The following ZNF469 variants were observed in gnomAD, a reference collection of about 807,000 sequenced individuals.
ZNF469 encodes the protein zinc finger protein 469.
A neutral mutation model predicts 1.0 loss-of-function variants in ZNF469; 1 was observed. That is an observed-to-expected ratio of 1.00 (90% confidence interval 0.35 to 4.73). The LOEUF (loss-of-function observed/expected upper bound fraction) is 4.73, where lower values mean the gene tolerates loss of function less well. Ranked by LOEUF, ZNF469 falls within the 30% of genes most tolerant of loss-of-function variation. ZNF469 has a pLI of 0.16. For synonymous variants in ZNF469, 2,703 were observed against 2,363.4 expected (o/e 1.14, Z -4.17); for missense variants, 6,100 against 5,356.3 (o/e 1.14, Z -4.33).
At position 88,432,629 on chromosome 16, in the gene ZNF469, TCTGC is replaced by T; in HGVS notation, c.5167_5170del (p.Pro1723SerfsTer15). 6.5e-7 allele frequency: 1 copy of T among 1,550,364 alleles called. No individual in the cohort carries two copies. Among genetic ancestry groups the T allele is most frequent in the African/African-American group, 1.4e-5 (1 of 73,166 alleles). On this transcript the variant is annotated frameshift_variant, in exon 3 of 3. Coordinates refer to ENST00000565624, the MANE Select transcript of ZNF469 (RefSeq NM_001367624.2). LOFTEE classifies it low-confidence loss of function (END_TRUNC). ...GGAGACAGCAGGCCCCCCCAAGATG[TCTGC>T]CTGCCTGAGCCCAGCAAGCAGCCTG...
the ZNF469 span, among the ~76,000 whole-genome samples, chr16:88,330,349 C>T: frequency 3.3e-5 from 5 of 152,230 alleles, no homozygotes; most frequent in East Asian, 1.9e-4. Flanking sequence ...GTGGACTCCA[C>T]GTTGCCGTGA....
the ZNF469 span, among the ~76,000 whole-genome samples, chr16:88,117,199 G>A: frequency 4.6e-5 from 6 of 131,784 alleles, no homozygotes; most frequent in South Asian, 5.1e-4. Context: ...GATGTGTGAG[G>A]GCCGGGGACA....
chr16:88,262,170 T>C, the ZNF469 span, among the ~76,000 whole-genome samples: 1 of 152,148 alleles, frequency 6.6e-6, no homozygotes, highest in African/African-American at 2.4e-5. The surrounding 1 kb of genome is among the most constrained non-coding windows in gnomAD (Gnocchi z 4.3). Context: ...GGAATTGCAT[T>C]CTTGGGATTG....
chr16:88,133,066 C>CG, the ZNF469 span, among the ~76,000 whole-genome samples: 1 of 152,144 alleles, frequency 6.6e-6, no homozygotes, highest in African/African-American at 2.4e-5. Context: ...GGTTGGGGGC[C>CG]GGGGGGCTGC....
chr16:88,430,935 C>T lies in ZNF469; in HGVS notation c.3465C>T (p.Pro1155=), dbSNP rs1906125916. ...GCGGGGACGGAGCCCCCGCGAACCC[C>T]GAGGAGCCGGGCGGGTCTCGCCCGG... is the stretch of plus-strand genomic sequence containing the variant. ...EAGGDGAPAN[P]EEPGGSRPGP... Residue 1155 remains proline, a synonymous_variant, in exon 3 of 3, where the codon CCC becomes CCT. Coordinates refer to ENST00000565624, the MANE Select transcript of ZNF469 (RefSeq NM_001367624.2). The T allele has an allele frequency of 4.6e-6, 7 of 1,535,938 alleles. No homozygotes were observed. In the South Asian group the frequency reaches 7.2e-5, roughly 16 times the overall value.
chr16:88,206,784 T>A, the ZNF469 span, among the ~76,000 whole-genome samples: 1 of 145,166 alleles, frequency 6.9e-6, no homozygotes, highest in Non-Finnish European at 1.5e-5. Flanking sequence ...TTGGTATCTC[T>A]GTGGGAACGG....
the ZNF469 span, among the ~76,000 whole-genome samples, chr16:88,288,666 CTG>C: frequency 1.2e-4 from 19 of 152,340 alleles, no homozygotes; most frequent in African/African-American, 4.1e-4. Flanking sequence ...ACCCCTGATA[CTG>C]TCTCATGTAA....
chr16:88,294,051 C>T, the ZNF469 span, among the ~76,000 whole-genome samples: 4 of 152,190 alleles, frequency 2.6e-5, no homozygotes, highest in Admixed American at 2.0e-4. Context: ...CTAGAGCCCC[C>T]AGTGCCTCAA....
chr16:88,150,866 C>T, the ZNF469 span, among the ~76,000 whole-genome samples: 11,217 of 152,056 alleles, frequency 0.074, 779 homozygotes, highest in African/African-American at 0.18. Context: ...TGGAATTCTG[C>T]GCCACGTCAT....
the ZNF469 span, among the ~76,000 whole-genome samples, chr16:88,120,057 TG>T: frequency 6.6e-6 from 1 of 152,150 alleles, no homozygotes; most frequent in Non-Finnish European, 1.5e-5. Flanking sequence ...CAAGTCCGCC[TG>T]GGAGGGTGGA....
the ZNF469 span, among the ~76,000 whole-genome samples, chr16:88,133,022 G>A: frequency 1.2e-4 from 18 of 152,216 alleles, no homozygotes; most frequent in African/African-American, 3.4e-4. Context: ...CAGGAGACCC[G>A]TGGGCAGCTC....
chr16:88,266,566 G>A, the ZNF469 span, among the ~76,000 whole-genome samples: 124 of 152,370 alleles, frequency 8.1e-4, no homozygotes, highest in African/African-American at 2.6e-3. Context: ...CATACGTGCC[G>A]ACCAGGTAAA....
At chr16:88,336,100 C>G in the ZNF469 span, among the ~76,000 whole-genome samples, 1 of 151,672 alleles carries the variant, frequency 6.6e-6, no homozygotes, top group Non-Finnish European at 1.5e-5. Flanking sequence ...CATGTTCATC[C>G]TTCACGTGAG....
chr16:88,133,639 AAATT>A, the ZNF469 span, among the ~76,000 whole-genome samples: 2 of 151,678 alleles, frequency 1.3e-5, no homozygotes, highest in African/African-American at 4.8e-5. Flanking sequence ...TTAATAAAAT[AAATT>A]ATAAATAAAA....
In ZNF469 at chr16:88,437,066, T is replaced by C. The variant is rs1906637029; in HGVS notation, c.9596T>C (p.Val3199Ala). 1 of 1,540,318 alleles carries C rather than the reference T, an allele frequency of 6.5e-7. No individual in the cohort carries two copies. ...AACGAGCACCTGCGTGAGCACGCGG[T>C]CCGCTTCGCCCGCAGGGGGCAGGCG... is the stretch of plus-strand genomic sequence containing the variant. ...MYNEHLREHA[V>A]RFARRGQARR... Residue 3199 changes from valine to alanine, a missense_variant, in exon 3 of 3, where the codon GTC becomes GCC. Transcript: ENST00000565624.
At chr16:88,132,992 G>A in the ZNF469 span, among the ~76,000 whole-genome samples, 1 of 152,244 alleles carries the variant, frequency 6.6e-6, no homozygotes, top group African/African-American at 2.4e-5. Flanking sequence ...CAGGTGCGGT[G>A]GGCATGCTGG....
chr16:88,127,208 G>T, the ZNF469 span, among the ~76,000 whole-genome samples: 14 of 152,202 alleles, frequency 9.2e-5, no homozygotes, highest in Non-Finnish European at 1.9e-4. Context: ...GCTGTTGCCT[G>T]CAGGTTCTTT....
chr16:88,255,148 G>A, the ZNF469 span, among the ~76,000 whole-genome samples: 3 of 152,238 alleles, frequency 2.0e-5, no homozygotes, highest in South Asian at 4.1e-4. Flanking sequence ...ATGAGCCCAA[G>A]TAATTTAAGA....
the ZNF469 span, among the ~76,000 whole-genome samples, chr16:88,130,662 C>A: frequency 4.7e-4 from 69 of 146,178 alleles, no homozygotes; most frequent in African/African-American, 1.7e-3. Context: ...GCCGAGATCG[C>A]GCCATTGCAC....
Sources: allele counts gnomAD v4.1 joint callset (sites outside exome capture counted in the v4.1 genomes callset), GRCh38; gene constraint gnomAD v4.1.1; non-coding constraint Gnocchi (gnomAD v3.1); transcripts MANE v1.5; gene names NCBI Gene and HGNC (gene_info 2026-07-23, HGNC 2026-07-21).